Variants in ZSWIM9 observed in about 807,000 individuals in gnomAD.
ZSWIM9 encodes the protein uncharacterized protein ZSWIM9.
ZSWIM9 carries 11 observed loss-of-function variants against 25.0 expected under a neutral mutation model. The ratio of observed to expected loss-of-function variants is 0.44; its 90% CI spans 0.28 to 0.73. The LOEUF is 0.73. Among genes scored for constraint, ZSWIM9 ranks in the 30% least tolerant of loss-of-function variants. The pLI is 0.16. For missense variants in ZSWIM9, 1,070 were observed against 1,296.5 expected, an observed-to-expected ratio of 0.83 and a Z score of 2.68; for synonymous variants, 562 against 582.1, an observed-to-expected ratio of 0.97 and a Z score of 0.50.
rs934607995 is a variant in ZSWIM9, at chr19:48,196,503, G to A, written c.2439G>A (p.Pro813=). Residue 813 remains proline, a synonymous_variant, in exon 4 of 4, where the codon CCG becomes CCA. Transcript: ENST00000614654. ...PREPKRLCRP[P]GEEEVDWEPL... is the part of the protein sequence containing the mutation. ...AACCAAAGAGGCTTTGCCGACCCCC[G>A]GGAGAGGAGGAGGTGGACTGGGAAC... 72 of 1,232,452 alleles carry A rather than the reference G, an allele frequency of 5.8e-5. No homozygotes were observed. Among genetic ancestry groups the A allele is most frequent in the Non-Finnish European group, 7.2e-5 (71 of 988,304 alleles). The allele number at this position is 1,232,452 out of a possible 1,614,324, so 76.3% of individuals were successfully genotyped here.
chr19:48,184,423 G>A (rs2036988440), intron 3 of ZSWIM9, among the ~76,000 whole-genome samples: 1 of 152,076 alleles, frequency 6.6e-6, no homozygotes, highest in South Asian at 2.1e-4. Context: ...AAAGAGGAAA[G>A]AAAGATGAGA....
chr19:48,171,676 G>C (rs2036814204), intron 1 of ZSWIM9, 118 bp from the exon 2 acceptor site: 1 of 1,017,026 alleles, frequency 9.8e-7, no homozygotes, highest in East Asian at 2.6e-5. Flanking sequence ...TCCGACCCCG[G>C]GCTACCCACC....
chr19:48,191,504 CT>C (rs1321224211), intron 3 of ZSWIM9, among the ~76,000 whole-genome samples: 1 of 152,128 alleles, frequency 6.6e-6, no homozygotes, highest in African/African-American at 2.4e-5. Flanking sequence ...TGTGCCCAGC[CT>C]TAGCTATTAT....
chr19:48,197,502 C>A lies in ZSWIM9; in HGVS notation c.*675C>A. On this transcript the variant is annotated 3_prime_UTR_variant, in exon 4 of 4. Coordinates refer to ENST00000614654, the MANE Select transcript of ZSWIM9 (RefSeq NM_199341.4). ...TCCAAGACCTGGAGACATCGACCCC[C>A]ATCGCCTTCTGAAGAGAGAGGGAGG... is the stretch of plus-strand genomic sequence containing the variant. 38 of 530,672 alleles carry A rather than the reference C, an allele frequency of 7.2e-5. No individual in the cohort carries two copies. The highest frequency in any genetic ancestry group is 1.0e-4 in the Non-Finnish European group (31 of 295,612). 32.9% of individuals were successfully genotyped at this position (530,672 alleles called of 1,614,324 possible).
chr19:48,195,076 G>T lies in ZSWIM9; in HGVS notation c.1012G>T (p.Glu338Ter). The change falls in exon 4 of 4, where the codon GAG becomes TAG. Residue 338 changes from glutamate to a stop codon, truncating the protein, a stop_gained. Coordinates refer to ENST00000614654, the MANE Select transcript of ZSWIM9 (RefSeq NM_199341.4). LOFTEE classifies it low-confidence loss of function (END_TRUNC). The surrounding 1 kb of genome is among the most constrained non-coding windows in gnomAD (Gnocchi z 5.8). Reference protein sequence around the residue: ...KAQELGGAGREDPGLWSRLCR... With the variant: ...KAQELGGAGR Reference sequence around the variant, plus strand: ...GCAGGAGCTGGGCGGCGCCGGCCGCGAGGACCCGGGCCTGTGGTCGCGCCT... The same window carrying T: ...GCAGGAGCTGGGCGGCGCCGGCCGCTAGGACCCGGGCCTGTGGTCGCGCCT... The T allele has an allele frequency of 7.3e-7, 1 of 1,379,164 alleles. No homozygotes were observed. The highest frequency in any genetic ancestry group is 9.3e-7 in the Non-Finnish European group (1 of 1,076,274). The allele number at this position is 1,379,164 out of a possible 1,614,324, so 85.4% of individuals were successfully genotyped here. A position where few individuals can be genotyped will look rare whatever the true frequency, so the allele number is the denominator to read the frequency against.
At chr19:48,191,331 A>G (rs1343863465) in intron 3 of ZSWIM9, among the ~76,000 whole-genome samples, 1 of 151,928 alleles carries the variant, frequency 6.6e-6, no homozygotes, top group Non-Finnish European at 1.5e-5. Flanking sequence ...CAGCCTCCCA[A>G]GTAGCTGAGA....
Position 48,171,886 on chromosome 19 carries a change from C to T in ZSWIM9, c.84C>T (p.Ala28=). 1 of 1,535,696 alleles carries T rather than the reference C, an allele frequency of 6.5e-7. No homozygotes were observed. The highest frequency in any genetic ancestry group is 8.7e-7 in the Non-Finnish European group (1 of 1,146,672). ...ELRERAFFSW[A]EFSRFFDAWC... The stretch of plus-strand genomic sequence containing the variant: ...GGGAGCGGGCCTTCTTCTCGTGGGC[C>T]GAGTTCAGCCGCTTCTTCGACGCGT... The change falls in exon 2 of 4, where the codon GCC becomes GCT. Residue 28 remains alanine, a synonymous_variant. Transcript: ENST00000614654.
intron 2 of ZSWIM9, among the ~76,000 whole-genome samples, chr19:48,175,125 T>A (rs2036879132): frequency 6.6e-6 from 1 of 152,068 alleles, no homozygotes; most frequent in African/African-American, 2.4e-5. Context: ...GTTGATATGT[T>A]TATGTATGTA....
rs183365750 is a variant in ZSWIM9 at position 48,188,128 on chromosome 19, T to A, written c.588+5361T>A. Among the ~76,000 whole-genome samples, 11 of 152,212 alleles carry A rather than the reference T, an allele frequency of 7.2e-5. No individual in the cohort carries two copies. The East Asian group carries it at 1.9e-3, about 27-fold the overall frequency. On this transcript the variant is annotated intron_variant, in intron 3 of 3. Coordinates refer to ENST00000614654, the MANE Select transcript of ZSWIM9 (RefSeq NM_199341.4). ...TTCCTGAGTTGGGTTGCTCTCTTGA[T>A]CTTTGGAGGGGATCAGACAAGAAGG...
At chr19:48,176,867 C>G (rs2036898467) in intron 2 of ZSWIM9, among the ~76,000 whole-genome samples, 1 of 151,666 alleles carries the variant, frequency 6.6e-6, no homozygotes, top group Admixed American at 6.6e-5. Context: ...AGTTTGAGAC[C>G]AGCCTGGGCA....
At position 48,195,334 on chromosome 19, in the gene ZSWIM9, G is replaced by A; in HGVS notation, c.1270G>A (p.Ala424Thr). The change falls in exon 4 of 4, where the codon GCG becomes ACG. Residue 424 changes from alanine (A) to threonine (T), a missense_variant. Ala to Thr is a moderately conservative substitution (Grantham distance 58, BLOSUM62 0). Coordinates refer to ENST00000614654, the MANE Select transcript of ZSWIM9 (RefSeq NM_199341.4). The surrounding 1 kb of genome is among the most constrained non-coding windows in gnomAD (Gnocchi z 5.8). ...TCGTCTCAGCCCCTCGCGTGGCGTG[G>A]CGCAGTGCCTTCGCGACCTGGTGGC... is the stretch of plus-strand genomic sequence containing the variant. ...LRRLSPSRGVAQCLRDLVAMQ... is the reference protein window; with the variant it reads ...LRRLSPSRGVTQCLRDLVAMQ... 6.5e-7 allele frequency: 1 copy of A among 1,528,406 alleles called. No homozygotes were observed. Among genetic ancestry groups the A allele is most frequent in the Non-Finnish European group, 8.7e-7 (1 of 1,144,052 alleles). 94.7% of individuals were successfully genotyped at this position (1,528,406 alleles called of 1,614,324 possible).
In ZSWIM9 at chr19:48,195,462, C is replaced by T. The variant is rs868025531; in HGVS notation, c.1398C>T (p.Asn466=). 1.4e-6 allele frequency: 2 copies of T among 1,422,848 alleles called. No homozygotes were observed. The highest frequency in any genetic ancestry group is 9.1e-7 in the Non-Finnish European group (1 of 1,096,336). 88.1% of individuals were successfully genotyped at this position (1,422,848 alleles called of 1,614,324 possible). ...CAGGGAGGGGAGCCCAGGGGGAGAA[C>T]GAGAGGGTGAGGGGCCTGGAGACAG... ...DEPGRGAQGE[N]ERVRGLETGD... The change falls in exon 4 of 4, where the codon AAC becomes AAT. Residue 466 remains asparagine (N), a synonymous_variant. Transcript: ENST00000614654. This position sits in a 1 kb window ranked among gnomAD's most constrained non-coding sequence, Gnocchi z 5.8.
At position 48,172,028 on chromosome 19, in the gene ZSWIM9, G is replaced by T; in HGVS notation, c.226G>T (p.Val76Leu). The stretch of plus-strand genomic sequence containing the variant: ...CATCGACGTGCTCAAGTACAGCTAC[G>T]TGCGGCTTGTGTGCAAGGACGTGCG... ...TLIDVLKYSY[V>L]RLVCKDVRAP... Residue 76 changes from valine (V) to leucine (L), a missense_variant, in exon 2 of 4, where the codon GTG becomes TTG. Val to Leu is a conservative substitution (Grantham distance 32). Transcript: ENST00000614654. 1 of 1,534,744 alleles carries T rather than the reference G, an allele frequency of 6.5e-7. No individual in the cohort carries two copies.
At chr19:48,192,793 A>G (rs77264922) in intron 3 of ZSWIM9, among the ~76,000 whole-genome samples, 1,786 of 152,132 alleles carry the variant, frequency 0.012, 27 homozygotes, top group African/African-American at 0.039. Context: ...TTATTACAGC[A>G]AAAGGATACA....
chr19:48,195,630 T>A lies in ZSWIM9; in HGVS notation c.1566T>A (p.Asp522Glu), dbSNP rs1264864314. 7.1e-7 allele frequency: 1 copy of A among 1,409,594 alleles called. No individual in the cohort carries two copies. The highest frequency in any genetic ancestry group is 9.2e-7 in the Non-Finnish European group (1 of 1,088,416). The allele number at this position is 1,409,594 out of a possible 1,614,324, so 87.3% of individuals were successfully genotyped here. A position where few individuals can be genotyped will look rare whatever the true frequency, so the allele number is the denominator to read the frequency against. The change falls in exon 4 of 4, where the codon GAT becomes GAA. Residue 522 changes from aspartate (D) to glutamate (E), a missense_variant. Asp to Glu is a conservative substitution (Grantham distance 45). This residue lies in a region of ZSWIM9 where 583 missense variants were observed against 624.7 expected (regional missense o/e 0.93). Coordinates refer to ENST00000614654, the MANE Select transcript of ZSWIM9 (RefSeq NM_199341.4). This position sits in a 1 kb window ranked among gnomAD's most constrained non-coding sequence, Gnocchi z 5.8. The stretch of plus-strand genomic sequence containing the variant: ...AGGGGAGGGCACTGCAGATCAGAGA[T>A]TGGAGAGGGGGTCGGTTGGAGAATC... ...GEKGRALQIR[D>E]WRGGRLENQK... is the part of the protein sequence containing the mutation.
intron 3 of ZSWIM9, among the ~76,000 whole-genome samples, chr19:48,191,092 A>ATGTGTGTGTGTGTG (rs940221946): frequency 4.5e-4 from 43 of 96,544 alleles, no homozygotes; most frequent in African/African-American, 8.1e-4. Flanking sequence ...GTGTATGTGT[A>ATGTGTGTGTGTGTG]TGTGTGTGTG....
At position 48,172,095 on chromosome 19, in the gene ZSWIM9, G is replaced by C. The variant is rs946137016; in HGVS notation, c.275+18G>C. ...GCCGTGGGGTGCGTGAACCTGAGCC[G>C]CTGTCCTGCTGGGGGGAAGGGGAGC... On this transcript the variant is annotated intron_variant, in intron 2 of 3. Coordinates refer to ENST00000614654, the MANE Select transcript of ZSWIM9 (RefSeq NM_199341.4). The C allele has an allele frequency of 6.7e-7, 1 of 1,492,704 alleles. No individual in the cohort carries two copies. The highest frequency in any genetic ancestry group is 8.9e-7 in the Non-Finnish European group (1 of 1,119,792). 92.5% of individuals were successfully genotyped at this position (1,492,704 alleles called of 1,614,324 possible). A position where few individuals can be genotyped will look rare whatever the true frequency, so the allele number is the denominator to read the frequency against.
Position 48,182,711 on chromosome 19 carries a change from G to A in ZSWIM9, c.532G>A (p.Val178Ile), listed in dbSNP as rs913823772. ...CTACTGCAAGGGCCGCGACCACGGC[G>A]TCCTGGACGCCCTGCACGTGCTCGA... ...LSYCKGRDHGVLDALHVLEGL... is the reference protein window; with the variant it reads ...LSYCKGRDHGILDALHVLEGL... The change falls in exon 3 of 4, where the codon GTC (valine) becomes ATC (isoleucine). Residue 178 changes from valine (V) to isoleucine (I), a missense_variant. Coordinates refer to ENST00000614654, the MANE Select transcript of ZSWIM9 (RefSeq NM_199341.4). This position sits in a 1 kb window ranked among gnomAD's most constrained non-coding sequence, Gnocchi z 4.6. The A allele has an allele frequency of 3.9e-6, 6 of 1,535,296 alleles. No homozygotes were observed. In the Admixed American group the frequency reaches 9.8e-5, roughly 25 times the overall value.
chr19:48,195,225 G>A lies in ZSWIM9; in HGVS notation c.1161G>A (p.Met387Ile). Residue 387 changes from methionine (M) to isoleucine (I), a missense_variant, in exon 4 of 4, where the codon ATG becomes ATA. Met to Ile is a conservative substitution (Grantham distance 10). Transcript: ENST00000614654. The surrounding 1 kb of genome is among the most constrained non-coding windows in gnomAD (Gnocchi z 5.8). ...GCAACTGGGAGCCCCGCCGCGACAT[G>A]TGGGTCCGCTTCCGCGCCTTCGAGG... ...FERNWEPRRD[M>I]WVRFRAFEAA... 1.3e-6 allele frequency: 2 copies of A among 1,528,514 alleles called. No homozygotes were observed. Among genetic ancestry groups the A allele is most frequent in the Non-Finnish European group, 1.8e-6 (2 of 1,142,614 alleles). The allele number at this position is 1,528,514 out of a possible 1,614,324, so 94.7% of individuals were successfully genotyped here. A position where few individuals can be genotyped will look rare whatever the true frequency, so the allele number is the denominator to read the frequency against.
Sources: gnomAD v4.1 joint callset for allele counts (sites outside exome capture counted in the v4.1 genomes callset) on GRCh38, gnomAD v4.1.1 for gene constraint, gnomAD v4.1.1 regional missense constraint, Gnocchi (gnomAD v3.1) non-coding constraint, MANE v1.5 for transcripts, NCBI Gene and HGNC (gene_info 2026-07-23, HGNC 2026-07-21) for gene names.